The following ITGA9 variants were observed in gnomAD, a reference collection of about 807,000 sequenced individuals.
The protein encoded by ITGA9 is integrin alpha-9.
In ITGA9, 56 loss-of-function variants were observed where a neutral mutation model predicts 127.8. That is an observed-to-expected ratio of 0.44 (90% CI 0.35 to 0.55). The LOEUF is 0.55. Ranked by LOEUF, ITGA9 falls within the 20% of genes least tolerant of loss-of-function variation. ITGA9 has a pLI of 0.00. For missense variants in ITGA9, 1,196 were observed against 1,347.1 expected (o/e 0.89, Z 1.76); for synonymous variants, 508 against 514.5 (o/e 0.99, Z 0.17).
At chr3:37,706,795 A>G (rs1043960662) in intron 18 of ITGA9, among the ~76,000 whole-genome samples, 1 of 152,236 alleles carries the variant, frequency 6.6e-6, no homozygotes, top group South Asian at 2.1e-4. Flanking sequence ...TCGGAACAGG[A>G]TCCCAGAACA....
intron 15 of ITGA9, among the ~76,000 whole-genome samples, chr3:37,581,946 T>C (rs928226988): frequency 6.6e-6 from 1 of 152,218 alleles, no homozygotes. Context: ...AGAAACACTG[T>C]CCTGGAGGTA....
At chr3:37,614,092 T>G (rs1700050811) in intron 15 of ITGA9, among the ~76,000 whole-genome samples, 1 of 152,160 alleles carries the variant, frequency 6.6e-6, no homozygotes, top group Non-Finnish European at 1.5e-5. Flanking sequence ...GTTTTTATGG[T>G]TTTAGGTCTA....
chr3:37,581,664 A>G (rs940179788), intron 15 of ITGA9, among the ~76,000 whole-genome samples: 1 of 152,214 alleles, frequency 6.6e-6, no homozygotes, highest in Non-Finnish European at 1.5e-5. Context: ...CAATGTCTCA[A>G]AAGCATCAGG....
At chr3:37,507,697 A>G (rs1468600840) in intron 7 of ITGA9, among the ~76,000 whole-genome samples, 1 of 152,170 alleles carries the variant, frequency 6.6e-6, no homozygotes, top group Non-Finnish European at 1.5e-5. Flanking sequence ...GTTGCTGACA[A>G]TTCCACATTC....
intron 15 of ITGA9, among the ~76,000 whole-genome samples, chr3:37,606,168 G>T (rs1411075774): frequency 6.6e-6 from 1 of 152,098 alleles, no homozygotes; most frequent in Non-Finnish European, 1.5e-5. Flanking sequence ...TCATAGTATG[G>T]GTTATTTAGA....
rs1237395342 is a variant in ITGA9 at position 37,503,116 on chromosome 3, T to G, written c.613-62T>G. 5 of 1,596,038 alleles carry G rather than the reference T, an allele frequency of 3.1e-6. No homozygotes were observed. In the East Asian group the frequency reaches 1.1e-4, roughly 36 times the overall value. ...CCTTTGTTGTGACTGTGGTTCTCATTGCATTCCCCTCCTCCCCTCCTCACT... is the reference window on the plus strand; with the variant it reads ...CCTTTGTTGTGACTGTGGTTCTCATGGCATTCCCCTCCTCCCCTCCTCACT... On this transcript the variant is annotated intron_variant, in intron 5 of 27. Transcript: ENST00000264741.
At chr3:37,600,024 G>C (rs989113674) in intron 15 of ITGA9, among the ~76,000 whole-genome samples, 6 of 152,174 alleles carry the variant, frequency 3.9e-5, no homozygotes, top group Non-Finnish European at 8.8e-5. Flanking sequence ...AATGGACTAT[G>C]TGGGAAAGCG....
intron 17 of ITGA9, among the ~76,000 whole-genome samples, chr3:37,659,795 A>G (rs1012189282): frequency 3.3e-5 from 5 of 151,924 alleles, no homozygotes; most frequent in African/African-American, 1.2e-4. Context: ...TTTTTGTGCT[A>G]GTTTTTCCTC....
chr3:37,800,042 G>C lies in ITGA9; in HGVS notation c.2890-3781G>C, dbSNP rs139837565. Among the ~76,000 whole-genome samples the C allele has an allele frequency of 3.4e-4, 52 of 152,322 alleles. No individual in the cohort carries two copies. In the Middle Eastern group the frequency reaches 0.014, roughly 40 times the overall value. On this transcript the variant is annotated intron_variant, in intron 26 of 27. Coordinates refer to ENST00000264741, the MANE Select transcript of ITGA9 (RefSeq NM_002207.3). ...CAGGCTCTGCCAAAGCATGGAGCAC[G>C]CATCCAAGGGGATGAACAGCATCCC... is the stretch of plus-strand genomic sequence containing the variant.
intron 15 of ITGA9, among the ~76,000 whole-genome samples, chr3:37,593,536 C>T (rs1188444624): frequency 1.3e-5 from 2 of 152,312 alleles, no homozygotes; most frequent in Non-Finnish European, 2.9e-5. Context: ...CGGCCACCTT[C>T]GTGCTATGTC....
chr3:37,489,580 C>T (rs1298454978), intron 4 of ITGA9, among the ~76,000 whole-genome samples: 1 of 152,190 alleles, frequency 6.6e-6, no homozygotes, highest in African/African-American at 2.4e-5. Context: ...GTTCTCGCTT[C>T]CTCTTTAACC....
chr3:37,456,234 T>A (rs1344006589), intron 1 of ITGA9, among the ~76,000 whole-genome samples: 1 of 152,180 alleles, frequency 6.6e-6, no homozygotes, highest in Non-Finnish European at 1.5e-5. Context: ...TTGTATCAGC[T>A]AGGATACAAA....
intron 15 of ITGA9, among the ~76,000 whole-genome samples, chr3:37,553,143 A>G (rs1699394969): frequency 6.6e-6 from 1 of 152,136 alleles, no homozygotes; most frequent in Non-Finnish European, 1.5e-5. Context: ...GTAATTTTCT[A>G]TCTATTCGTA....
chr3:37,729,862 C>T (rs1696265671), intron 18 of ITGA9, among the ~76,000 whole-genome samples: 1 of 151,986 alleles, frequency 6.6e-6, no homozygotes, highest in African/African-American at 2.4e-5. Flanking sequence ...CACCACCACA[C>T]CCAGCTAATT....
intron 20 of ITGA9, among the ~76,000 whole-genome samples, chr3:37,739,800 C>T (rs1346727903): frequency 2.0e-5 from 3 of 152,162 alleles, no homozygotes; most frequent in Admixed American, 1.3e-4. Flanking sequence ...CAGGGCAAGA[C>T]CTGGCAGGAT....
chr3:37,606,243 ACT>A (rs1422640712), intron 15 of ITGA9, among the ~76,000 whole-genome samples: 1 of 152,166 alleles, frequency 6.6e-6, no homozygotes, highest in Non-Finnish European at 1.5e-5. Flanking sequence ...CTCAGCAGAT[ACT>A]GAGTTTTGCT....
chr3:37,665,705 T>A (rs1683365258), intron 17 of ITGA9, among the ~76,000 whole-genome samples: 1 of 152,126 alleles, frequency 6.6e-6, no homozygotes, highest in Non-Finnish European at 1.5e-5. Flanking sequence ...TCCACCTGCC[T>A]TGGCCTCCCA....
At chr3:37,481,337 G>A (rs197757) in intron 3 of ITGA9, 147 bp from the exon 4 acceptor site, 168,929 of 1,025,338 alleles carry the variant, frequency 0.16, 15,009 homozygotes, top group Non-Finnish European at 0.19. Flanking sequence ...CTGATGCCCA[G>A]AAAAGTGCCT....
intron 17 of ITGA9, among the ~76,000 whole-genome samples, chr3:37,676,551 T>C (rs1166084273): frequency 6.6e-6 from 1 of 152,232 alleles, no homozygotes; most frequent in East Asian, 1.9e-4. Flanking sequence ...GAGATGGGGA[T>C]ACTGACTAGA....
Sources: gnomAD v4.1 joint callset for allele counts (sites outside exome capture counted in the v4.1 genomes callset) on GRCh38, gnomAD v4.1.1 for gene constraint, MANE v1.5 for transcripts, NCBI Gene and HGNC (gene_info 2026-07-23, HGNC 2026-07-21) for gene names.